PAM: variants seen among roughly 807,000 people sequenced by gnomAD.
PAM encodes the protein peptidyl-glycine alpha-amidating monooxygenase.
PAM carries 72 observed loss-of-function variants against 122.1 expected under a neutral mutation model. That is an observed-to-expected ratio of 0.59 (90% CI 0.49 to 0.72). The LOEUF is 0.72. Among genes scored for constraint, PAM ranks in the 30% least tolerant of loss-of-function variants. The pLI is 0.00. For synonymous variants in PAM, 389 were observed against 404.4 expected, an observed-to-expected ratio of 0.96 and a Z score of 0.46; for missense variants, 1,106 against 1,183.7, an observed-to-expected ratio of 0.93 and a Z score of 0.96.
intron 18 of PAM, 36 bp from the exon 19 acceptor site, chr5:103,006,765 G>A (rs745572749): frequency 1.3e-6 from 2 of 1,488,902 alleles, no homozygotes; most frequent in South Asian, 2.3e-5. Context: ...TAATAACCAT[G>A]AAAAGTAGGT....
intron 12 of PAM, among the ~76,000 whole-genome samples, chr5:102,954,302 T>C (rs1446134942): frequency 6.6e-6 from 1 of 151,832 alleles, no homozygotes; most frequent in Non-Finnish European, 1.5e-5. Flanking sequence ...CTTAACCCCC[T>C]CCCACTCTTC....
chr5:103,030,088 G>A (rs1786043314), downstream of PAM: 1 of 152,030 alleles, frequency 6.6e-6, no homozygotes, highest in African/African-American at 2.4e-5. Flanking sequence ...AATAATTTCA[G>A]GGCAGGTACA....
In PAM at chr5:103,006,812, G is replaced by A. The variant is rs1203562239; in HGVS notation, c.1815G>A (p.Leu605=). 6.2e-7 allele frequency: 1 copy of A among 1,612,126 alleles called. No homozygotes were observed. ...TDVALHQVFK[L]DPNNKEGPVL... ...TCCTTTTTAAAAAGGTGTTCAAACT[G>A]GATCCAAACAATAAAGAAGGCCCTG... Residue 605 remains leucine, a synonymous_variant, in exon 19 of 26, where the codon CTG becomes CTA. Coordinates refer to ENST00000438793, the MANE Select transcript of PAM (RefSeq NM_001177306.2).
chr5:102,959,962 G>T lies in PAM; in HGVS notation c.993G>T (p.Gln331His). ...CAGTTTCTTTCATGACCTGTACCCA[G>T]AATGTAGCTCCAGATATGTTCAGAA... is the stretch of plus-strand genomic sequence containing the variant. ...KHAVSFMTCT[Q>H]NVAPDMFRTI... The change falls in exon 13 of 26, where the codon CAG becomes CAT. Residue 331 changes from glutamine to histidine, a missense_variant. By Grantham distance (24) the Gln-to-His change is conservative. Transcript: ENST00000438793. 6.2e-7 allele frequency: 1 copy of T among 1,611,806 alleles called. No individual in the cohort carries two copies. The highest frequency in any genetic ancestry group is 1.1e-5 in the South Asian group (1 of 91,040).
intron 3 of PAM, among the ~76,000 whole-genome samples, chr5:102,885,205 AT>A (rs1460346619): frequency 2.0e-5 from 3 of 151,910 alleles, no homozygotes; most frequent in African/African-American, 7.2e-5. Context: ...CAGGAAAAAA[AT>A]ATCACTAGAA....
chr5:103,029,044 G>A lies in PAM; in HGVS notation c.2901G>A (p.Ala967=), dbSNP rs373242353. The A allele has an allele frequency of 1.6e-5, 25 of 1,606,662 alleles. No homozygotes were observed. The highest frequency in any genetic ancestry group is 1.7e-4 in the Middle Eastern group (1 of 6,034). Reference sequence around the variant, plus strand: ...AGGAGTATTCAGCACCTCTGCCTGCGCTCGCACCTTCCTCCTCCTGAAAAC... The same window carrying A: ...AGGAGTATTCAGCACCTCTGCCTGCACTCGCACCTTCCTCCTCCTGAAAAC... The part of the protein sequence containing the change: ...SEEEYSAPLP[A]LAPSSS Residue 967 remains alanine, a synonymous_variant, in exon 26 of 26, where the codon GCG becomes GCA. Coordinates refer to ENST00000438793, the MANE Select transcript of PAM (RefSeq NM_001177306.2).
Position 102,888,792 on chromosome 5 carries a change from C to CT in PAM, c.211-12556dup, listed in dbSNP as rs200044890. Among the ~76,000 whole-genome samples, 89 of 151,632 alleles carry CT rather than the reference C, an allele frequency of 5.9e-4. 3 individuals carry two copies. Among genetic ancestry groups the CT allele is most frequent in the African/African-American group, 1.9e-3 (80 of 41,374 alleles). ...AGTCTTGGTTACCTCCTTTTGTTTC[C>CT]TTTTTTTTCTTTAAAATAATGCTTT... On this transcript the variant is annotated intron_variant, in intron 3 of 25. Transcript: ENST00000438793.
At chr5:103,022,512 T>C (rs565019799) in intron 23 of PAM, among the ~76,000 whole-genome samples, 8 of 152,200 alleles carry the variant, frequency 5.3e-5, no homozygotes. Flanking sequence ...AACGCATTGC[T>C]TTAAAGAAGA....
intron 4 of PAM, among the ~76,000 whole-genome samples, chr5:102,906,122 C>T (rs926913822): frequency 6.6e-6 from 1 of 151,676 alleles, no homozygotes; most frequent in Non-Finnish European, 1.5e-5. Flanking sequence ...CGTCCAACAT[C>T]TCCTCAGCTT....
At chr5:102,798,579 T>C (rs1321955725) in intron 1 of PAM, among the ~76,000 whole-genome samples, 1 of 152,212 alleles carries the variant, frequency 6.6e-6, no homozygotes, top group East Asian at 1.9e-4. Flanking sequence ...CTTTCGATAA[T>C]GCTTTGAAGT....
chr5:102,959,773 C>A, intron 12 of PAM, 102 bp from the exon 13 acceptor site: 1 of 705,006 alleles, frequency 1.4e-6, no homozygotes. Flanking sequence ...ATATTTCTAC[C>A]TTTGAATCCA....
chr5:103,024,081 C>T (rs1016748595), intron 23 of PAM, among the ~76,000 whole-genome samples: 6 of 152,076 alleles, frequency 3.9e-5, no homozygotes, highest in Admixed American at 1.3e-4. Flanking sequence ...CATTCTGTAT[C>T]GTAGGGCAGA....
chr5:102,952,995 C>G (rs1195948455), intron 12 of PAM, among the ~76,000 whole-genome samples: 4 of 152,134 alleles, frequency 2.6e-5, no homozygotes, highest in Non-Finnish European at 4.4e-5. Flanking sequence ...GGTGCCTCCT[C>G]CATGTACTGC....
chr5:102,915,209 A>G lies in PAM; in HGVS notation c.356+1188A>G, dbSNP rs183964004. On this transcript the variant is annotated intron_variant, in intron 5 of 25. Transcript: ENST00000438793. ...ATCTGTTTTGAGGTCCTGTCCTTAC[A>G]TAATCATGTAGACTGATGGACCTTT... Among the ~76,000 whole-genome samples, 7 of 152,232 alleles carry G rather than the reference A, an allele frequency of 4.6e-5. No homozygotes were observed. In the East Asian group the frequency reaches 1.2e-3, roughly 25 times the overall value.
At chr5:102,755,247 CT>C (rs1222935318), upstream of PAM, 2 of 152,300 alleles carry the variant, frequency 1.3e-5, no homozygotes, top group Non-Finnish European at 2.9e-5. Flanking sequence ...CGTGCTCAGC[CT>C]GTCCCCGCCC....
chr5:102,965,807 G>A (rs2150319594), intron 14 of PAM, among the ~76,000 whole-genome samples: 1 of 152,148 alleles, frequency 6.6e-6, no homozygotes, highest in Non-Finnish European at 1.5e-5. Flanking sequence ...CTGTGAAACA[G>A]TAATTTCACA....
At chr5:102,955,421 T>G (rs1760401955) in intron 12 of PAM, among the ~76,000 whole-genome samples, 1 of 152,034 alleles carries the variant, frequency 6.6e-6, no homozygotes, top group South Asian at 2.1e-4. Flanking sequence ...TTCAGTAGTA[T>G]AATATACTAG....
intron 1 of PAM, among the ~76,000 whole-genome samples, chr5:102,799,484 T>C (rs1764153590): frequency 6.6e-6 from 1 of 152,192 alleles, no homozygotes; most frequent in African/African-American, 2.4e-5. Flanking sequence ...CCAATCAGTT[T>C]TAACTATTTC....
At position 102,758,073 on chromosome 5, in the gene PAM, G is replaced by GTTTTTTTTTTTTTTT. The variant is rs1168917285; in HGVS notation, c.-374+2746_-374+2760dup. Among the ~76,000 whole-genome samples the GTTTTTTTTTTTTTTT allele has an allele frequency of 2.4e-4, 6 of 24,814 alleles. 1 individual carries two copies. Among genetic ancestry groups the GTTTTTTTTTTTTTTT allele is most frequent in the Non-Finnish European group, 3.6e-4 (4 of 11,124 alleles). The allele number at this position is 24,814 out of a possible 152,430, so 16.3% of individuals were successfully genotyped here. A position where few individuals can be genotyped will look rare whatever the true frequency, so the allele number is the denominator to read the frequency against. On this transcript the variant is annotated intron_variant, in intron 1 of 25. Coordinates refer to ENST00000438793, the MANE Select transcript of PAM (RefSeq NM_001177306.2). ...AAAAAAAAAAAAGACTTAGAATTTT[G>GTTTTTTTTTTTTTTT]TTTTTTTTTTTTTTTTTTTTTTTTT...
Sources: allele counts gnomAD v4.1 joint callset (sites outside exome capture counted in the v4.1 genomes callset), GRCh38; gene constraint gnomAD v4.1.1; transcripts MANE v1.5; gene names NCBI Gene and HGNC (gene_info 2026-07-23, HGNC 2026-07-21).